Variants in SEC23IP observed in about 807,000 individuals in gnomAD.
The protein encoded by SEC23IP is SEC23 interacting protein, also known as SEC23-interacting protein.
In SEC23IP, 70 loss-of-function variants were observed where a neutral mutation model predicts 113.4. That is an observed-to-expected ratio of 0.62 (90% confidence interval 0.51 to 0.75). The LOEUF (loss-of-function observed/expected upper bound fraction) is 0.75, where lower values mean the gene tolerates loss of function less well. Ranked by LOEUF, SEC23IP falls within the 30% of genes least tolerant of loss-of-function variation. The probability of loss-of-function intolerance (pLI) is 0.00; values close to 1 mark genes in which losing one functional copy is unlikely to be tolerated. For missense variants in SEC23IP, 1,160 were observed against 1,204.9 expected (o/e 0.96, Z 0.55); for synonymous variants, 398 against 421.0 (o/e 0.95, Z 0.67).
At chr10:119,908,391 C>A (rs1361066301) in intron 4 of SEC23IP, among the ~76,000 whole-genome samples, 3 of 152,178 alleles carry the variant, frequency 2.0e-5, no homozygotes, top group Non-Finnish European at 2.9e-5. Flanking sequence ...GTCTCCCCAT[C>A]CCCCAAATAT....
At chr10:119,927,159 A>G (rs1036570879) in intron 13 of SEC23IP, among the ~76,000 whole-genome samples, 17 of 152,240 alleles carry the variant, frequency 1.1e-4, no homozygotes, top group African/African-American at 4.1e-4. Flanking sequence ...TGGCTTCGCA[A>G]AGTGCCAGGA....
Position 119,942,733 on chromosome 10 carries a change from C to T in SEC23IP, c.*2168C>T, listed in dbSNP as rs552634368. 7.9e-5 allele frequency: 12 copies of T among 152,320 alleles called. No individual in the cohort carries two copies. Among genetic ancestry groups the T allele is most frequent in the Admixed American group, 7.2e-4 (11 of 15,290 alleles). 9.4% of individuals were successfully genotyped at this position (152,320 alleles called of 1,614,324 possible). The stretch of plus-strand genomic sequence containing the variant: ...AGTCATCACAGTACTGATGAAGACA[C>T]CCAGGCCTCGTCAGCTATGTTAACG... On this transcript the variant is annotated 3_prime_UTR_variant, in exon 19 of 19. Transcript: ENST00000369075.
intron 12 of SEC23IP, among the ~76,000 whole-genome samples, chr10:119,925,504 T>C (rs4752351): frequency 0.17 from 25,876 of 152,158 alleles, 2,504 homozygotes; most frequent in Non-Finnish European, 0.22. Context: ...CCTAAATATT[T>C]AGTATGCATT....
chr10:119,907,866 C>T (rs1348408261), intron 4 of SEC23IP, among the ~76,000 whole-genome samples: 6 of 152,256 alleles, frequency 3.9e-5, no homozygotes, highest in South Asian at 4.1e-4. Flanking sequence ...GCAGGAGAAT[C>T]GCCTGAACCT....
chr10:119,915,215 TA>T (rs1490398534), intron 7 of SEC23IP, among the ~76,000 whole-genome samples: 2 of 152,254 alleles, frequency 1.3e-5, no homozygotes, highest in African/African-American at 4.8e-5. Context: ...CATGTAATAA[TA>T]GTTCGTATTT....
At position 119,902,885 on chromosome 10, in the gene SEC23IP, A is replaced by C. The variant is rs377533992; in HGVS notation, c.783A>C (p.Leu261=). 6.2e-7 allele frequency: 1 copy of C among 1,614,120 alleles called. No homozygotes were observed. Among genetic ancestry groups the C allele is most frequent in the South Asian group, 1.1e-5 (1 of 91,074 alleles). The stretch of plus-strand genomic sequence containing the variant: ...CTGTTCAAGTGCCATCTCCTTTTCT[A>C]CTTCAAAACCAATATGAGCCTGTTC... ...APSVQVPSPF[L]LQNQYEPVQP... is the part of the protein sequence containing the mutation. The change falls in exon 3 of 19, where the codon CTA becomes CTC. Residue 261 remains leucine, a synonymous_variant. Transcript: ENST00000369075.
chr10:119,895,854 T>C (rs564677713), intron 1 of SEC23IP, among the ~76,000 whole-genome samples: 11 of 152,312 alleles, frequency 7.2e-5, no homozygotes, highest in African/African-American at 2.6e-4. Flanking sequence ...GTAGATCACT[T>C]TGACTAGAGT....
intron 4 of SEC23IP, among the ~76,000 whole-genome samples, chr10:119,906,255 C>T (rs72826460): frequency 0.18 from 25,952 of 146,198 alleles, 2,506 homozygotes; most frequent in Non-Finnish European, 0.22. Flanking sequence ...GCACTTTAGC[C>T]TGGGCAACAG....
intron 8 of SEC23IP, among the ~76,000 whole-genome samples, chr10:119,917,278 C>A (rs1427959701): frequency 2.0e-5 from 3 of 152,104 alleles, no homozygotes; most frequent in Non-Finnish European, 4.4e-5. Flanking sequence ...CGGCTCACTG[C>A]AACCTCCACC....
Position 119,902,876 on chromosome 10 carries a change from TC to T in SEC23IP, c.776del (p.Pro259LeufsTer21). On this transcript the variant is annotated frameshift_variant, in exon 3 of 19. Coordinates refer to ENST00000369075, the MANE Select transcript of SEC23IP (RefSeq NM_007190.4). LOFTEE classifies it high-confidence loss of function. The part of the protein sequence containing the change: ...PGAPSVQVPS[P>X]FLLQNQYEPV... Reference sequence around the variant, plus strand: ...GGGCTCCCTCTGTTCAAGTGCCATCTCCTTTTCTACTTCAAAACCAATATGA... The same window carrying T: ...GGGCTCCCTCTGTTCAAGTGCCATCTCTTTTCTACTTCAAAACCAATATGA... 1 of 1,614,216 alleles carries T rather than the reference TC, an allele frequency of 6.2e-7. No individual in the cohort carries two copies. Among genetic ancestry groups the T allele is most frequent in the South Asian group, 1.1e-5 (1 of 91,088 alleles).
At chr10:119,903,119 C>A (rs979571423) in intron 3 of SEC23IP, 110 bp downstream of exon 3, 5 of 867,806 alleles carry the variant, frequency 5.8e-6, no homozygotes, top group Non-Finnish European at 8.9e-6. Flanking sequence ...TCCTTATAGA[C>A]CCCAGACTCT....
intron 5 of SEC23IP, among the ~76,000 whole-genome samples, chr10:119,909,806 C>T (rs547799856): frequency 9.9e-5 from 15 of 152,200 alleles, no homozygotes; most frequent in African/African-American, 1.2e-4. Context: ...TAGAGGATCA[C>T]TTGAGCCCAA....
intron 2 of SEC23IP, among the ~76,000 whole-genome samples, chr10:119,901,042 AGT>A (rs1854478494): frequency 2.2e-5 from 1 of 45,310 alleles, no homozygotes; most frequent in Non-Finnish European, 3.8e-5. Context: ...TTTTTTAAAG[AGT>A]GGGGGGGGGG....
intron 15 of SEC23IP, among the ~76,000 whole-genome samples, chr10:119,930,869 T>C (rs944304354): frequency 1.3e-5 from 2 of 152,188 alleles, no homozygotes; most frequent in Non-Finnish European, 2.9e-5. Context: ...TGATTCCAAG[T>C]TGAATTTAGG....
intron 4 of SEC23IP, among the ~76,000 whole-genome samples, chr10:119,907,600 T>C (rs142463623): frequency 6.6e-6 from 1 of 152,256 alleles, no homozygotes; most frequent in East Asian, 1.9e-4. Context: ...TATCCACAGG[T>C]TCCGTATCTG....
intron 17 of SEC23IP, 25 bp downstream of exon 17, chr10:119,933,192 A>T: frequency 6.2e-7 from 1 of 1,607,674 alleles, no homozygotes; most frequent in Non-Finnish European, 8.5e-7. Context: ...ATTTGGTAAC[A>T]TTTGAGTGGG....
chr10:119,913,683 C>A (rs1031188629), intron 6 of SEC23IP, among the ~76,000 whole-genome samples: 2 of 151,268 alleles, frequency 1.3e-5, no homozygotes, highest in Non-Finnish European at 3.0e-5. Context: ...GTGGAGACAG[C>A]GTTTTGCCAT....
chr10:119,912,246 A>T (rs1195331460), intron 6 of SEC23IP, 82 bp downstream of exon 6: 83 of 1,451,734 alleles, frequency 5.7e-5, no homozygotes, highest in Non-Finnish European at 6.9e-5. Flanking sequence ...GAAGAAATAA[A>T]CAGTTATTAG....
rs911973721 is a variant in SEC23IP, at chr10:119,941,291, T to C, written c.*726T>C. The C allele has an allele frequency of 1.3e-5, 2 of 152,224 alleles. No homozygotes were observed. The highest frequency in any genetic ancestry group is 6.5e-5 in the Admixed American group (1 of 15,274). The allele number at this position is 152,224 out of a possible 1,614,324, so 9.4% of individuals were successfully genotyped here. A position where few individuals can be genotyped will look rare whatever the true frequency, so the allele number is the denominator to read the frequency against. On this transcript the variant is annotated 3_prime_UTR_variant, in exon 19 of 19. Coordinates refer to ENST00000369075, the MANE Select transcript of SEC23IP (RefSeq NM_007190.4). ...GGAGAAGCAAGCAGATGAGAGGTTTTCCATTTTGTCATCCAAGGTAGCTGT... is the reference window on the plus strand; with the variant it reads ...GGAGAAGCAAGCAGATGAGAGGTTTCCCATTTTGTCATCCAAGGTAGCTGT...
Sources: allele counts gnomAD v4.1 joint callset (sites outside exome capture counted in the v4.1 genomes callset), GRCh38; gene constraint gnomAD v4.1.1; transcripts MANE v1.5; gene names NCBI Gene and HGNC (gene_info 2026-07-23, HGNC 2026-07-21).